The following PAICS variants were observed in gnomAD, a reference collection of about 807,000 sequenced individuals.
PAICS encodes bifunctional phosphoribosylaminoimidazole carboxylase/phosphoribosylaminoimidazole succinocarboxamide synthetase.
A neutral mutation model predicts 53.7 loss-of-function variants in PAICS; 33 were observed. The observed-to-expected ratio is 0.61, with a 90% CI of 0.47 to 0.82. PAICS has a LOEUF of 0.82. Among genes scored for constraint, PAICS ranks in the 40% least tolerant of loss-of-function variants. The pLI is 0.00. For missense variants in PAICS, 394 were observed against 494.1 expected (o/e 0.80, Z 1.92); for synonymous variants, 141 against 167.2 (o/e 0.84, Z 1.21).
At chr4:56,448,646 G>T (rs370383263) in intron 4 of PAICS, 49 bp downstream of exon 4, 147 of 1,528,954 alleles carry the variant, frequency 9.6e-5, no homozygotes, top group Non-Finnish European at 1.3e-4. Flanking sequence ...GAAAGTAAAG[G>T]TTATAGTTGA....
intron 7 of PAICS, among the ~76,000 whole-genome samples, chr4:56,452,709 G>C (rs1419289453): frequency 6.6e-6 from 1 of 152,152 alleles, no homozygotes; most frequent in Non-Finnish European, 1.5e-5. Flanking sequence ...AAAATAGCCG[G>C]TTCTCCCGGG....
At position 56,441,797 on chromosome 4, in the gene PAICS, G is replaced by T. The variant is rs768171255; in HGVS notation, c.151G>T (p.Glu51Ter). 1.9e-6 allele frequency: 3 copies of T among 1,601,948 alleles called. No individual in the cohort carries two copies. In the East Asian group the frequency reaches 6.7e-5, roughly 36 times the overall value. Residue 51 changes from glutamate (E) to a stop codon, truncating the protein, a stop_gained, in exon 2 of 9, where the codon GAA becomes TAA. Coordinates refer to ENST00000512576, the MANE Select transcript of PAICS (RefSeq NM_001079524.2). LOFTEE classifies it high-confidence loss of function. ...AGNAARKNHL[E>*]GKAAISNKIT... is the part of the protein sequence containing the mutation. Reference sequence around the variant, plus strand: ...AAATGCAGCTAGAAAAAACCACCTGGAAGGAAAAGCTGCAATCTCAAATAA... The same window carrying T: ...AAATGCAGCTAGAAAAAACCACCTGTAAGGAAAAGCTGCAATCTCAAATAA...
chr4:56,422,704 A>G, the PAICS span: 5 of 152,144 alleles, frequency 3.3e-5, no homozygotes, highest in East Asian at 1.9e-4. Context: ...TTTAGATTTT[A>G]TATCTATATA....
At chr4:56,456,988 G>T (rs1719245789) in intron 8 of PAICS, among the ~76,000 whole-genome samples, 1 of 152,112 alleles carries the variant, frequency 6.6e-6, no homozygotes, top group South Asian at 2.1e-4. Context: ...GGTGTATCTG[G>T]TAGGGATTGT....
At chr4:56,421,051 A>C in the PAICS span, 38 of 152,346 alleles carry the variant, frequency 2.5e-4, no homozygotes, top group African/African-American at 8.7e-4. Context: ...GCCAAGCTTC[A>C]TCTGTATTTA....
chr4:56,450,965 T>C (rs999051872), intron 6 of PAICS: 25 of 275,718 alleles, frequency 9.1e-5, no homozygotes, highest in African/African-American at 1.6e-4. Context: ...CTACAGGCGC[T>C]GGCCACCACG....
the PAICS span, among the ~76,000 whole-genome samples, chr4:56,427,385 G>A: frequency 1.1e-4 from 17 of 152,180 alleles, no homozygotes; most frequent in South Asian, 8.3e-4. Context: ...GGAATTGCTT[G>A]GTCATATGGC....
chr4:56,430,407 C>T, the PAICS span, among the ~76,000 whole-genome samples: 19 of 152,060 alleles, frequency 1.2e-4, no homozygotes, highest in African/African-American at 3.6e-4. Flanking sequence ...GAGAAGTCTA[C>T]GCTCCTGAAC....
At chr4:56,454,747 C>G (rs1456463917) in intron 8 of PAICS, among the ~76,000 whole-genome samples, 2 of 151,466 alleles carry the variant, frequency 1.3e-5, no homozygotes, top group Non-Finnish European at 2.9e-5. Context: ...ATGGTGAGAT[C>G]TGTAATAAAA....
At chr4:56,453,174 T>C (rs374052665) in intron 7 of PAICS, among the ~76,000 whole-genome samples, 1 of 152,212 alleles carries the variant, frequency 6.6e-6, no homozygotes, top group East Asian at 1.9e-4. Flanking sequence ...AACTCTTGTT[T>C]GAAGACGTGT....
the PAICS span, chr4:56,423,572 C>T: frequency 6.6e-6 from 1 of 152,020 alleles, no homozygotes; most frequent in Non-Finnish European, 1.5e-5. Context: ...AAGATTTTAG[C>T]TTGTTAGTCC....
upstream of PAICS, chr4:56,436,131 G>C (rs1035656729): frequency 1.5e-5 from 22 of 1,478,484 alleles, no homozygotes; most frequent in Middle Eastern, 2.5e-4. Context: ...TCCGATATCC[G>C]CGTTTCAGTC....
At chr4:56,435,953 C>G (rs760196186), upstream of PAICS, 20 of 1,505,258 alleles carry the variant, frequency 1.3e-5, no homozygotes, top group Admixed American at 1.8e-5. Context: ...CTGAGTCGCT[C>G]CCGCAGCCGA....
At chr4:56,435,145 G>A (rs2110074324), upstream of PAICS, among the ~76,000 whole-genome samples, 2 of 152,348 alleles carry the variant, frequency 1.3e-5, no homozygotes, top group East Asian at 3.9e-4. Flanking sequence ...GGCTGGGAGG[G>A]TGGGCAGGAC....
At position 56,449,078 on chromosome 4, in the gene PAICS, CTTTG is replaced by C. The variant is rs373309605; in HGVS notation, c.687+260_687+263del. Among the ~76,000 whole-genome samples, 213 of 152,202 alleles carry C rather than the reference CTTTG, an allele frequency of 1.4e-3. 1 individual carries two copies. Among genetic ancestry groups the C allele is most frequent in the African/African-American group, 4.9e-3 (202 of 41,534 alleles). ...TCACAACAGTAACAGCAAGTATTAT[CTTTG>C]TTTGGCTAAATGAAAACTAAGGGTC... On this transcript the variant is annotated intron_variant, in intron 5 of 8. Transcript: ENST00000512576.
At chr4:56,410,905 A>T in the PAICS span, 13 of 253,200 alleles carry the variant, frequency 5.1e-5, no homozygotes, top group Non-Finnish European at 6.9e-5. Flanking sequence ...AAGGTAAAAA[A>T]AAAAAAAAAA....
the PAICS span, among the ~76,000 whole-genome samples, chr4:56,418,146 T>A: frequency 2.0e-5 from 3 of 152,136 alleles, no homozygotes; most frequent in African/African-American, 7.2e-5. Context: ...TGAAGATTAT[T>A]TTTAATGCAA....
At chr4:56,419,835 A>C in the PAICS span, 2 of 984,188 alleles carry the variant, frequency 2.0e-6, no homozygotes, top group Non-Finnish European at 2.4e-6. Flanking sequence ...CAGAGACTGG[A>C]AACAGTGCAG....
At chr4:56,417,931 C>T in the PAICS span, among the ~76,000 whole-genome samples, 1 of 151,082 alleles carries the variant, frequency 6.6e-6, no homozygotes, top group African/African-American at 2.4e-5. Context: ...ATCCTGCCTC[C>T]CAGGTTCAAG....
Sources: gnomAD v4.1 joint callset for allele counts (sites outside exome capture counted in the v4.1 genomes callset) on GRCh38, gnomAD v4.1.1 for gene constraint, MANE v1.5 for transcripts, NCBI Gene and HGNC (gene_info 2026-07-23, HGNC 2026-07-21) for gene names.